Variants in PREX2 observed in about 807,000 individuals in gnomAD.
The protein encoded by PREX2 is phosphatidylinositol 3,4,5-trisphosphate-dependent Rac exchanger 2 protein.
PREX2 carries 107 observed loss-of-function variants against 203.2 expected under a neutral mutation model. The observed-to-expected ratio is 0.53, with a 90% CI of 0.45 to 0.62. The LOEUF (loss-of-function observed/expected upper bound fraction) is 0.62, where lower values mean the gene tolerates loss of function less well. Among genes scored for constraint, PREX2 ranks in the 20% least tolerant of loss-of-function variants. PREX2 has a pLI of 0.00. For synonymous variants in PREX2, 672 were observed against 663.6 expected, an observed-to-expected ratio of 1.01 and a Z score of -0.19; for missense variants, 1,777 against 1,955.9, an observed-to-expected ratio of 0.91 and a Z score of 1.72.
chr8:68,082,891 G>A (rs1267533966), intron 17 of PREX2: 1 of 171,900 alleles, frequency 5.8e-6, no homozygotes, highest in Non-Finnish European at 1.3e-5. Flanking sequence ...TTGGCTATAG[G>A]TGGAAAACAC....
chr8:68,058,225 A>G (rs1192643860), intron 10 of PREX2, among the ~76,000 whole-genome samples: 1 of 152,114 alleles, frequency 6.6e-6, no homozygotes, highest in Admixed American at 6.5e-5. Context: ...ATTTATAGCA[A>G]TGTTTAAATT....
intron 25 of PREX2, chr8:68,111,163 A>G: frequency 4.9e-6 from 1 of 203,330 alleles, no homozygotes; most frequent in Non-Finnish European, 1.0e-5. Context: ...TAAGGCAATA[A>G]ATAGTGGCAT....
chr8:67,979,918 T>C (rs1585673603), intron 1 of PREX2, among the ~76,000 whole-genome samples: 1 of 152,324 alleles, frequency 6.6e-6, no homozygotes, highest in South Asian at 2.1e-4. Context: ...GAGGAGATCA[T>C]GGTCTACTGC....
At chr8:67,993,401 TTTTTTTTTTTC>T (rs1285897371) in intron 1 of PREX2, among the ~76,000 whole-genome samples, 6 of 1,746 alleles carry the variant, frequency 3.4e-3, no homozygotes, top group African/African-American at 8.5e-3. Flanking sequence ...TACTTCAGTC[TTTTTTTTTTTC>T]TTTTTTTTTT....
rs1811323644 is a variant in PREX2, at chr8:68,146,252, G to T, written c.4131G>T (p.Leu1377=). 1 of 1,611,924 alleles carries T rather than the reference G, an allele frequency of 6.2e-7. No individual in the cohort carries two copies. Among genetic ancestry groups the T allele is most frequent in the Non-Finnish European group, 8.5e-7 (1 of 1,178,834 alleles). ...AAGCAGAAGGAAGTCGGCAAGCTCT[G>T]AAAGTTTACTTCTACATTGATAGTT... The part of the protein sequence containing the change: ...TYQAEGSRQA[L]KVYFYIDSYH... The change falls in exon 34 of 40, where the codon CTG becomes CTT. Residue 1377 remains leucine (L), a synonymous_variant. Coordinates refer to ENST00000288368, the MANE Select transcript of PREX2 (RefSeq NM_024870.4).
At position 68,019,564 on chromosome 8, in the gene PREX2, A is replaced by G. The variant is rs1246102618; in HGVS notation, c.229A>G (p.Ile77Val). The G allele has an allele frequency of 1.2e-6, 2 of 1,611,318 alleles. No individual in the cohort carries two copies. The highest frequency in any genetic ancestry group is 1.7e-6 in the Non-Finnish European group (2 of 1,178,812). Residue 77 changes from isoleucine to valine, a missense_variant, in exon 3 of 40, where the codon ATT becomes GTT. Ile to Val is a conservative substitution (Grantham distance 29). Coordinates refer to ENST00000288368, the MANE Select transcript of PREX2 (RefSeq NM_024870.4). ...TTATTTACAGATGTTGTTCTCAAAC[A>G]TTGAAGACATCCTTGCAGTACATAA... ...EETVKMLFSN[I>V]EDILAVHKEF...
chr8:68,028,994 C>A (rs1194930986), intron 5 of PREX2, among the ~76,000 whole-genome samples: 1 of 151,984 alleles, frequency 6.6e-6, no homozygotes, highest in Non-Finnish European at 1.5e-5. Flanking sequence ...CACAAAGCAA[C>A]ATGAAAAAAC....
At chr8:68,106,050 G>A (rs1810404047) in intron 23 of PREX2, 1 of 217,194 alleles carries the variant, frequency 4.6e-6, no homozygotes, top group African/African-American at 2.4e-5. Context: ...ACTAGACCAT[G>A]AACTCCAGGA....
intron 4 of PREX2, among the ~76,000 whole-genome samples, chr8:68,025,565 G>A (rs1295034960): frequency 6.7e-6 from 1 of 150,096 alleles, no homozygotes; most frequent in Admixed American, 6.6e-5. Flanking sequence ...GAAGTTTTTA[G>A]CCATTATTTT....
At chr8:67,977,563 G>A (rs1806145270) in intron 1 of PREX2, among the ~76,000 whole-genome samples, 1 of 152,102 alleles carries the variant, frequency 6.6e-6, no homozygotes, top group Non-Finnish European at 1.5e-5. Context: ...GAGTGACAGA[G>A]TGACCTTTGT....
At chr8:68,137,545 A>G (rs1276500603) in intron 32 of PREX2, among the ~76,000 whole-genome samples, 2 of 152,198 alleles carry the variant, frequency 1.3e-5, no homozygotes, top group East Asian at 3.8e-4. Context: ...TGCTGGGGTT[A>G]CAGGTGTGAG....
At position 68,090,641 on chromosome 8, in the gene PREX2, A is replaced by G; in HGVS notation, c.2176A>G (p.Asn726Asp). The G allele has an allele frequency of 1.2e-6, 2 of 1,614,042 alleles. No homozygotes were observed. Among genetic ancestry groups the G allele is most frequent in the South Asian group, 1.1e-5 (1 of 91,086 alleles). Residue 726 changes from asparagine to aspartate, a missense_variant, in exon 20 of 40, where the codon AAT (asparagine) becomes GAT (aspartate). Transcript: ENST00000288368. The part of the protein sequence containing the change: ...GQCIIKVNGI[N>D]VSKETHASVI... ...GTGCATTATCAAGGTGAATGGAATC[A>G]ATGTCAGCAAAGAGACACATGCCAG...
chr8:68,191,776 C>T lies in PREX2; in HGVS notation c.4401C>T (p.Ala1467=). Residue 1467 remains alanine (A), a synonymous_variant, in exon 36 of 40, where the codon GCC becomes GCT. Coordinates refer to ENST00000288368, the MANE Select transcript of PREX2 (RefSeq NM_024870.4). ...NSPPNSTSKA[A]YVDKLMRPLN... ...CACCAAACTCCACATCCAAAGCTGCCTATGTAGATAAGGTAAAAACAGATG... is the reference window on the plus strand; with the variant it reads ...CACCAAACTCCACATCCAAAGCTGCTTATGTAGATAAGGTAAAAACAGATG... 1 of 1,605,130 alleles carries T rather than the reference C, an allele frequency of 6.2e-7. No individual in the cohort carries two copies. The highest frequency in any genetic ancestry group is 8.5e-7 in the Non-Finnish European group (1 of 1,172,126).
intron 35 of PREX2, among the ~76,000 whole-genome samples, chr8:68,170,568 A>G (rs1585842759): frequency 6.6e-6 from 1 of 152,220 alleles, no homozygotes; most frequent in African/African-American, 2.4e-5. Flanking sequence ...GCTAGCAGAA[A>G]TGCTTAACAG....
chr8:67,980,409 T>C (rs1806233363), intron 1 of PREX2, among the ~76,000 whole-genome samples: 1 of 152,044 alleles, frequency 6.6e-6, no homozygotes, highest in South Asian at 2.1e-4. Context: ...AAGAATAGGA[T>C]TGGATGTTCC....
At chr8:68,208,600 C>T (rs951185587) in intron 37 of PREX2, among the ~76,000 whole-genome samples, 4 of 151,994 alleles carry the variant, frequency 2.6e-5, no homozygotes, top group Non-Finnish European at 4.4e-5. Context: ...AATGGGACCA[C>T]GAGAAAAGCA....
At chr8:68,146,000 A>G (rs1227064556) in intron 33 of PREX2, among the ~76,000 whole-genome samples, 1 of 152,082 alleles carries the variant, frequency 6.6e-6, no homozygotes, top group Admixed American at 6.6e-5. Flanking sequence ...TTTTTATAAT[A>G]TAGTAACACA....
In PREX2 at chr8:68,064,100, G is replaced by A. The variant is rs555660309; in HGVS notation, c.1339+3321G>A. ...AGGAACTCTAGGTTGAGAGAAAGCA[G>A]CGTATGCTTTCTCTGTGGTATGCTG... On this transcript the variant is annotated intron_variant, in intron 11 of 39. Coordinates refer to ENST00000288368, the MANE Select transcript of PREX2 (RefSeq NM_024870.4). 2.6e-5 allele frequency among the ~76,000 whole-genome samples: 4 copies of A among 152,266 alleles called. No individual in the cohort carries two copies. The East Asian group carries it at 7.7e-4, about 29-fold the overall frequency.
chr8:67,976,778 CAG>C (rs1806124491), intron 1 of PREX2, among the ~76,000 whole-genome samples: 1 of 127,420 alleles, frequency 7.8e-6, no homozygotes, highest in Admixed American at 8.4e-5. Flanking sequence ...GAGACAGAGA[CAG>C]AGACAGAGCG....
Sources: gnomAD v4.1 joint callset for allele counts (sites outside exome capture counted in the v4.1 genomes callset) on GRCh38, gnomAD v4.1.1 for gene constraint, MANE v1.5 for transcripts, NCBI Gene and HGNC (gene_info 2026-07-23, HGNC 2026-07-21) for gene names.